Variants in VDAC1 observed in about 807,000 individuals in gnomAD.
The protein encoded by VDAC1 is non-selective voltage-gated ion channel VDAC1.
In VDAC1, 10 loss-of-function variants were observed where a neutral mutation model predicts 34.7. The ratio of observed to expected loss-of-function variants is 0.29; its 90% confidence interval spans 0.18 to 0.49. The LOEUF is 0.49. Among genes scored for constraint, VDAC1 ranks in the 20% least tolerant of loss-of-function variants. The pLI is 0.99. For synonymous variants in VDAC1, 130 were observed against 136.0 expected (o/e 0.96, Z 0.30); for missense variants, 230 against 347.9 (o/e 0.66, Z 2.69).
intron 1 of VDAC1, among the ~76,000 whole-genome samples, chr5:133,997,357 T>C (rs1057198434): frequency 5.9e-5 from 9 of 151,996 alleles, no homozygotes; most frequent in Non-Finnish European, 1.2e-4. Flanking sequence ...GGAAAATGAA[T>C]GAATAAAAAT....
chr5:134,004,712 C>G (rs1179345421), intron 1 of VDAC1, 183 bp downstream of exon 1: 1 of 151,432 alleles, frequency 6.6e-6, no homozygotes, highest in Non-Finnish European at 1.5e-5. Context: ...AGGCAGGGAG[C>G]CGAGCCAGGG....
the VDAC1 span, among the ~76,000 whole-genome samples, chr5:134,082,615 T>C: frequency 6.6e-6 from 1 of 152,256 alleles, no homozygotes; most frequent in African/African-American, 2.4e-5. Flanking sequence ...ATATAATAGA[T>C]ACATGTTTAT....
In VDAC1 at chr5:133,996,052, C is replaced by T. The variant is rs144892350; in HGVS notation, c.-6-3034G>A. Among the ~76,000 whole-genome samples, 522 of 152,292 alleles carry T rather than the reference C, an allele frequency of 3.4e-3. 2 individuals carry two copies. Among genetic ancestry groups the T allele is most frequent in the African/African-American group, 0.012 (504 of 41,560 alleles). ...TCACAAGCTGAGCCTCTAGAGGCTGCGCATGAAGCAGGGCAGTCTGGCATC... is the reference window on the plus strand; with the variant it reads ...TCACAAGCTGAGCCTCTAGAGGCTGTGCATGAAGCAGGGCAGTCTGGCATC... On this transcript the variant is annotated intron_variant, in intron 1 of 8. Transcript: ENST00000265333.
chr5:133,985,936 C>T (rs987764598), intron 5 of VDAC1, among the ~76,000 whole-genome samples: 3 of 152,250 alleles, frequency 2.0e-5, no homozygotes, highest in African/African-American at 7.2e-5. Context: ...GTTGACATGG[C>T]ACCCCCACCC....
At chr5:133,991,200 T>C in intron 3 of VDAC1, 46 bp from the exon 4 acceptor site, 1 of 1,601,462 alleles carries the variant, frequency 6.2e-7, no homozygotes, top group South Asian at 1.1e-5. Flanking sequence ...TAGCACTCAC[T>C]TGGCTTCACT....
chr5:133,999,583 G>A (rs1168970222), intron 1 of VDAC1, among the ~76,000 whole-genome samples: 1 of 152,022 alleles, frequency 6.6e-6, no homozygotes, highest in African/African-American at 2.4e-5. Flanking sequence ...GAATGAAGTC[G>A]GGGTACTCAC....
chr5:134,109,770 C>CAAAAAAAA, the VDAC1 span, among the ~76,000 whole-genome samples: 721 of 140,010 alleles, frequency 5.1e-3, 14 homozygotes, highest in African/African-American at 0.019. Context: ...GGCTCCATCT[C>CAAAAAAAA]AAAAAAAAAA....
the VDAC1 span, among the ~76,000 whole-genome samples, chr5:134,112,554 A>T: frequency 6.6e-6 from 1 of 152,176 alleles, no homozygotes; most frequent in Admixed American, 6.5e-5. Flanking sequence ...CTATGACCCC[A>T]TAGGACAGTT....
intron 6 of VDAC1, among the ~76,000 whole-genome samples, chr5:133,979,298 A>G (rs1315728030): frequency 6.6e-6 from 1 of 152,054 alleles, no homozygotes; most frequent in Non-Finnish European, 1.5e-5. Flanking sequence ...CAAGGAAAAC[A>G]CTTCCCATGC....
At chr5:134,007,418 G>T (rs1753774347), upstream of VDAC1, among the ~76,000 whole-genome samples, 1 of 152,102 alleles carries the variant, frequency 6.6e-6, no homozygotes, top group South Asian at 2.1e-4. Flanking sequence ...CTGGACCACA[G>T]AGCAAGTTCC....
At chr5:134,027,369 C>T in the VDAC1 span, among the ~76,000 whole-genome samples, 3 of 152,152 alleles carry the variant, frequency 2.0e-5, no homozygotes, top group Non-Finnish European at 2.9e-5. Context: ...GACCAGTTCC[C>T]GAGCAGCAAG....
the VDAC1 span, among the ~76,000 whole-genome samples, chr5:134,075,017 C>A: frequency 0.032 from 4,940 of 152,258 alleles, 87 homozygotes; most frequent in African/African-American, 0.046. Context: ...CATTTGGACT[C>A]TCAGCAGGCC....
chr5:133,983,259 A>G lies in VDAC1; in HGVS notation c.324-2303T>C, dbSNP rs543735361. Among the ~76,000 whole-genome samples, 10 of 152,168 alleles carry G rather than the reference A, an allele frequency of 6.6e-5. 1 individual carries two copies. The South Asian group carries it at 8.3e-4, about 13-fold the overall frequency. ...GTGAAACTCCATCTTTAAAAAAAAA[A>G]AAAAAGAAAAAGAAATGATCAACTT... On this transcript the variant is annotated intron_variant, in intron 5 of 8. Transcript: ENST00000265333.
the VDAC1 span, among the ~76,000 whole-genome samples, chr5:134,111,394 T>G: frequency 6.6e-6 from 1 of 152,182 alleles, no homozygotes; most frequent in African/African-American, 2.4e-5. Flanking sequence ...CAGCTGGTCC[T>G]GGTCCTGAAA....
chr5:134,042,618 A>G, the VDAC1 span, among the ~76,000 whole-genome samples: 1 of 152,032 alleles, frequency 6.6e-6, no homozygotes, highest in Non-Finnish European at 1.5e-5. Flanking sequence ...CTCGGCCTCC[A>G]GAGTAGCTGG....
chr5:134,065,197 A>G, the VDAC1 span, among the ~76,000 whole-genome samples: 5 of 151,934 alleles, frequency 3.3e-5, no homozygotes, highest in Non-Finnish European at 7.4e-5. Flanking sequence ...TCCAAAAAAA[A>G]TTTATATGAT....
chr5:134,005,657 C>T (rs1753732130), upstream of VDAC1: 1 of 152,232 alleles, frequency 6.6e-6, no homozygotes, highest in African/African-American at 2.4e-5. Flanking sequence ...ACCCCCGCGA[C>T]CAGCCGGGGC....
At chr5:134,036,087 A>G in the VDAC1 span, among the ~76,000 whole-genome samples, 1 of 152,274 alleles carries the variant, frequency 6.6e-6, no homozygotes, top group African/African-American at 2.4e-5. Flanking sequence ...GGATGCTGAA[A>G]TTAGTAAGCC....
intron 7 of VDAC1, 134 bp from the exon 8 acceptor site, chr5:133,973,982 A>G (rs952265367): frequency 7.1e-6 from 5 of 706,624 alleles, no homozygotes. Flanking sequence ...CTTGTTCATG[A>G]GATTCATTAA....
Sources: gnomAD v4.1 joint callset for allele counts (sites outside exome capture counted in the v4.1 genomes callset) on GRCh38, gnomAD v4.1.1 for gene constraint, MANE v1.5 for transcripts, NCBI Gene and HGNC (gene_info 2026-07-23, HGNC 2026-07-21) for gene names.